CTNNA2: variants seen among roughly 807,000 people sequenced by gnomAD.
The protein encoded by CTNNA2 is catenin alpha-2.
In CTNNA2, 42 loss-of-function variants were observed where a neutral mutation model predicts 101.0. The observed-to-expected ratio is 0.42, with a 90% confidence interval of 0.32 to 0.54. The LOEUF (loss-of-function observed/expected upper bound fraction) is 0.54, where lower values mean the gene tolerates loss of function less well. CTNNA2 is among the 20% of genes least tolerant of loss of function. CTNNA2 has a pLI of 0.14. For synonymous variants in CTNNA2, 450 were observed against 456.4 expected, an observed-to-expected ratio of 0.99 and a Z score of 0.18; for missense variants, 871 against 1,223.1, an observed-to-expected ratio of 0.71 and a Z score of 4.29.
chr2:79,669,765 T>C (rs1459670271), intron 2 of CTNNA2, among the ~76,000 whole-genome samples: 3 of 151,918 alleles, frequency 2.0e-5, no homozygotes, highest in Non-Finnish European at 4.4e-5. Context: ...TCCTGTCATC[T>C]CTCTGTCCTC....
chr2:79,934,590 G>A (rs1687656985), intron 7 of CTNNA2, among the ~76,000 whole-genome samples: 1 of 152,174 alleles, frequency 6.6e-6, no homozygotes, highest in South Asian at 2.1e-4. Flanking sequence ...TCCCAGCCCA[G>A]AAGTCTTTGA....
At chr2:80,357,418 C>G in intron 7 of CTNNA2, among the ~76,000 whole-genome samples, 1 of 152,030 alleles carries the variant, frequency 6.6e-6, no homozygotes, top group Non-Finnish European at 1.5e-5. Flanking sequence ...CATAGTGCCC[C>G]TCCTTTTGTG....
At chr2:79,859,385 AC>A (rs1285643653) in intron 4 of CTNNA2, among the ~76,000 whole-genome samples, 1 of 151,262 alleles carries the variant, frequency 6.6e-6, no homozygotes, top group Non-Finnish European at 1.5e-5. Flanking sequence ...TTAAATCATA[AC>A]TATTCTCTGT....
chr2:80,131,271 C>A (rs1261289650), intron 7 of CTNNA2, among the ~76,000 whole-genome samples: 8 of 152,072 alleles, frequency 5.3e-5, no homozygotes, highest in Admixed American at 5.2e-4. Context: ...GTTAGCCAGG[C>A]TGGTCTCGAA....
chr2:79,774,774 G>A (rs2105164656), intron 3 of CTNNA2, among the ~76,000 whole-genome samples: 1 of 152,136 alleles, frequency 6.6e-6, no homozygotes, highest in South Asian at 2.1e-4. Flanking sequence ...CATCTTTCTG[G>A]CCCAATATTA....
chr2:79,808,683 A>G (rs914848927), intron 3 of CTNNA2, among the ~76,000 whole-genome samples: 7 of 152,108 alleles, frequency 4.6e-5, no homozygotes, highest in African/African-American at 1.7e-4. Context: ...CGAGTTTTAT[A>G]GTTTTAAGCA....
chr2:80,614,999 C>T (rs1698737139), intron 17 of CTNNA2, among the ~76,000 whole-genome samples: 1 of 151,160 alleles, frequency 6.6e-6, no homozygotes, highest in South Asian at 2.1e-4. Context: ...CTTGTTTCTA[C>T]TGGGGCTTAC....
At chr2:80,211,545 A>C (rs1318224965) in intron 7 of CTNNA2, among the ~76,000 whole-genome samples, 1 of 152,044 alleles carries the variant, frequency 6.6e-6, no homozygotes, top group Non-Finnish European at 1.5e-5. Context: ...AGTATTATTT[A>C]TGAGGGCTCT....
At chr2:80,012,008 T>A (rs185205500) in intron 7 of CTNNA2, among the ~76,000 whole-genome samples, 1 of 152,274 alleles carries the variant, frequency 6.6e-6, no homozygotes, top group African/African-American at 2.4e-5. Flanking sequence ...GGGCGATAAC[T>A]TGAACACTTA....
intron 2 of CTNNA2, among the ~76,000 whole-genome samples, chr2:79,223,799 C>A (rs1674375779): frequency 6.6e-6 from 1 of 152,170 alleles, no homozygotes; most frequent in African/African-American, 2.4e-5. Flanking sequence ...TATCTATCTC[C>A]TTATTTACCA....
chr2:80,309,392 G>C (rs1677324515), intron 7 of CTNNA2, among the ~76,000 whole-genome samples: 1 of 152,088 alleles, frequency 6.6e-6, no homozygotes. Context: ...TCCATTAGCA[G>C]CTTACTTTTA....
intron 5 of CTNNA2, among the ~76,000 whole-genome samples, chr2:79,870,311 C>A (rs947626806): frequency 2.0e-5 from 3 of 152,090 alleles, no homozygotes; most frequent in African/African-American, 4.8e-5. Context: ...TTTTTGTCTC[C>A]TAGTCTTGTG....
chr2:79,936,613 G>A (rs1475886783), intron 7 of CTNNA2, among the ~76,000 whole-genome samples: 1 of 151,884 alleles, frequency 6.6e-6, no homozygotes, highest in Non-Finnish European at 1.5e-5. Flanking sequence ...AGTTGTCTAA[G>A]GAAGCTTCTT....
chr2:79,766,935 T>C lies in CTNNA2; in HGVS notation c.298+22353T>C, dbSNP rs577211075. On this transcript the variant is annotated intron_variant, in intron 3 of 18. Transcript: ENST00000402739. ...CATGCCCAGCTATTCTTTGTATTTT[T>C]AGTAGAGATAGGGTTTCACCATGTT... 7.9e-5 allele frequency among the ~76,000 whole-genome samples: 12 copies of C among 152,070 alleles called. No individual in the cohort carries two copies. The South Asian group carries it at 2.5e-3, about 32-fold the overall frequency.
intron 9 of CTNNA2, among the ~76,000 whole-genome samples, chr2:80,438,989 C>T (rs148996637): frequency 2.0e-5 from 3 of 152,322 alleles, no homozygotes; most frequent in Non-Finnish European, 2.9e-5. Flanking sequence ...GTTGCCACTG[C>T]TGCTGAGGGA....
At chr2:80,116,054 C>CT (rs5832433) in intron 7 of CTNNA2, among the ~76,000 whole-genome samples, 22 of 150,758 alleles carry the variant, frequency 1.5e-4, no homozygotes, top group South Asian at 4.2e-4. Flanking sequence ...GTTTAATAAA[C>CT]TTTTTTTTTT....
chr2:79,722,155 G>T (rs905661914), intron 2 of CTNNA2, among the ~76,000 whole-genome samples: 1 of 152,186 alleles, frequency 6.6e-6, no homozygotes. Context: ...AACACCCACT[G>T]TGGTTCACGC....
intron 2 of CTNNA2, among the ~76,000 whole-genome samples, chr2:79,223,053 G>C (rs1407360739): frequency 6.6e-6 from 1 of 152,150 alleles, no homozygotes; most frequent in Admixed American, 6.5e-5. Flanking sequence ...CCAGCTACTC[G>C]AGAGTCTGAG....
chr2:79,873,669 T>C (rs1271369200), intron 5 of CTNNA2, among the ~76,000 whole-genome samples: 1 of 151,766 alleles, frequency 6.6e-6, no homozygotes, highest in African/African-American at 2.4e-5. Flanking sequence ...GAAGCAGAGG[T>C]GGGAGAATCC....
Sources: gnomAD v4.1 joint callset for allele counts (sites outside exome capture counted in the v4.1 genomes callset) on GRCh38, gnomAD v4.1.1 for gene constraint, MANE v1.5 for transcripts, NCBI Gene and HGNC (gene_info 2026-07-23, HGNC 2026-07-21) for gene names.